ST3GAL3: variants seen among roughly 807,000 people sequenced by gnomAD.
ST3GAL3 encodes CMP-N-acetylneuraminate-beta-1,4-galactoside alpha-2,3-sialyltransferase.
In ST3GAL3, 21 loss-of-function variants were observed where a neutral mutation model predicts 50.1. The observed-to-expected ratio is 0.42, with a 90% CI of 0.30 to 0.60. The LOEUF (loss-of-function observed/expected upper bound fraction) is 0.60, where lower values mean the gene tolerates loss of function less well. Ranked by LOEUF, ST3GAL3 falls within the 20% of genes least tolerant of loss-of-function variation. ST3GAL3 has a pLI of 0.19. For missense variants in ST3GAL3, 353 were observed against 489.4 expected, an observed-to-expected ratio of 0.72 and a Z score of 2.63; for synonymous variants, 183 against 190.0, an observed-to-expected ratio of 0.96 and a Z score of 0.30.
intron 2 of ST3GAL3, among the ~76,000 whole-genome samples, chr1:43,741,212 C>T (rs779264128): frequency 6.6e-5 from 10 of 151,754 alleles, no homozygotes; most frequent in Non-Finnish European, 1.3e-4. Context: ...GTCTATGGTG[C>T]CAGCTACTCG....
intron 5 of ST3GAL3, among the ~76,000 whole-genome samples, chr1:43,886,817 G>A (rs184534995): frequency 2.6e-5 from 4 of 152,218 alleles, no homozygotes; most frequent in Non-Finnish European, 4.4e-5. Context: ...GCTAAAGCGG[G>A]TACATGGCCA....
In ST3GAL3 at chr1:43,790,628, G is replaced by A. The variant is rs1006426899; in HGVS notation, c.119-1474G>A. Among the ~76,000 whole-genome samples the A allele has an allele frequency of 1.5e-3, 178 of 119,356 alleles. 1 individual carries two copies. The highest frequency in any genetic ancestry group is 2.6e-3 in the Admixed American group (27 of 10,216). 78.3% of individuals were successfully genotyped at this position (119,356 alleles called of 152,430 possible). A position where few individuals can be genotyped will look rare whatever the true frequency, so the allele number is the denominator to read the frequency against. On this transcript the variant is annotated intron_variant, in intron 2 of 11. Transcript: ENST00000347631. ...TATACAATCTTCAACATCATATGGC[G>A]TCTCCTTTTTTTTTTTTTTTTTGAC...
intron 5 of ST3GAL3, among the ~76,000 whole-genome samples, chr1:43,845,995 A>G (rs534957778): frequency 5.9e-5 from 9 of 152,196 alleles, no homozygotes; most frequent in Admixed American, 2.6e-4. Flanking sequence ...CTGTGCTCCA[A>G]ATATACGTTA....
intron 2 of ST3GAL3, among the ~76,000 whole-genome samples, chr1:43,752,381 G>T (rs1686493593): frequency 6.6e-6 from 1 of 152,218 alleles, no homozygotes; most frequent in Non-Finnish European, 1.5e-5. Context: ...AAGGTTTCCT[G>T]TCTTCAAAGT....
chr1:43,899,753 TCC>T lies in ST3GAL3; in HGVS notation c.744+29_744+30del. 6.2e-7 allele frequency: 1 copy of T among 1,609,826 alleles called. No homozygotes were observed. The highest frequency in any genetic ancestry group is 2.2e-5 in the East Asian group (1 of 44,858). Reference sequence around the variant, plus strand: ...GTAAGCTCTCCTGGCACCAGCTTCTTCCCCTCTTGCCCTGGGCTTCCGCAACT... The same window carrying T: ...GTAAGCTCTCCTGGCACCAGCTTCTTCCTCTTGCCCTGGGCTTCCGCAACT... On this transcript the variant is annotated intron_variant, in intron 9 of 11. Transcript: ENST00000347631. The surrounding 1 kb of genome is among the most constrained non-coding windows in gnomAD (Gnocchi z 5.4).
At chr1:43,844,641 C>G (rs971388765) in intron 5 of ST3GAL3, among the ~76,000 whole-genome samples, 5 of 152,016 alleles carry the variant, frequency 3.3e-5, no homozygotes, top group Non-Finnish European at 7.4e-5. Flanking sequence ...GAAACCCCGT[C>G]TCTACCAAAA....
chr1:43,725,490 G>A (rs1433841236), intron 1 of ST3GAL3, among the ~76,000 whole-genome samples: 5 of 151,896 alleles, frequency 3.3e-5, no homozygotes, highest in African/African-American at 1.2e-4. Context: ...GAGCCGCTGC[G>A]CCTGGCCTGC....
At chr1:43,894,514 C>CT in intron 6 of ST3GAL3, 37 bp downstream of exon 6, 1 of 1,569,770 alleles carries the variant, frequency 6.4e-7, no homozygotes, top group East Asian at 2.2e-5. Context: ...AACATCTCAT[C>CT]CCCCCGACTG....
chr1:43,885,489 C>T (rs1449669249), intron 5 of ST3GAL3, among the ~76,000 whole-genome samples: 2 of 152,230 alleles, frequency 1.3e-5, no homozygotes, highest in East Asian at 1.9e-4. Context: ...TGGAGCCTGC[C>T]CCACCCTCCC....
chr1:43,874,277 A>T (rs893455354), intron 5 of ST3GAL3, among the ~76,000 whole-genome samples: 2 of 152,220 alleles, frequency 1.3e-5, no homozygotes, highest in Non-Finnish European at 1.5e-5. Flanking sequence ...TGACCATTGG[A>T]TTTAGCAGCA....
intron 2 of ST3GAL3, among the ~76,000 whole-genome samples, chr1:43,787,266 A>C (rs1305517103): frequency 6.6e-6 from 1 of 152,234 alleles, no homozygotes; most frequent in African/African-American, 2.4e-5. Context: ...GGATGACTGA[A>C]GTAAAAATGA....
chr1:43,738,229 G>C (rs1326759391), intron 2 of ST3GAL3: 1 of 152,186 alleles, frequency 6.6e-6, no homozygotes, highest in Non-Finnish European at 1.5e-5. Flanking sequence ...TATTAGGTTT[G>C]AAGGTGACAA....
chr1:43,817,564 CCTTCTT>C (rs145921571), intron 4 of ST3GAL3, among the ~76,000 whole-genome samples: 7 of 15,206 alleles, frequency 4.6e-4, no homozygotes, highest in East Asian at 2.4e-3. Flanking sequence ...TCTCCTTCTT[CCTTCTT>C]CTTCTCCTTC....
intron 2 of ST3GAL3, among the ~76,000 whole-genome samples, chr1:43,774,951 G>A (rs983577036): frequency 1.6e-4 from 24 of 152,066 alleles, no homozygotes; most frequent in South Asian, 4.1e-4. Context: ...AGCAGGGAGC[G>A]TGAGAATACC....
chr1:43,821,732 C>A (rs2062122892), intron 4 of ST3GAL3, among the ~76,000 whole-genome samples: 1 of 152,128 alleles, frequency 6.6e-6, no homozygotes, highest in Non-Finnish European at 1.5e-5. Flanking sequence ...GCAGCCACAA[C>A]CTGATTTAAG....
At chr1:43,837,746 G>C (rs72886901) in intron 4 of ST3GAL3, among the ~76,000 whole-genome samples, 10,133 of 152,256 alleles carry the variant, frequency 0.067, 369 homozygotes, top group East Asian at 0.14. Flanking sequence ...CAAGGCGAGA[G>C]GATCGCTTGA....
At chr1:43,822,089 T>A (rs1198150830) in intron 4 of ST3GAL3, among the ~76,000 whole-genome samples, 1 of 152,126 alleles carries the variant, frequency 6.6e-6, no homozygotes, top group Non-Finnish European at 1.5e-5. Context: ...TAGAATTCAT[T>A]GAGAAGGTGA....
At chr1:43,816,755 C>A (rs2061295574) in intron 4 of ST3GAL3, among the ~76,000 whole-genome samples, 1 of 152,154 alleles carries the variant, frequency 6.6e-6, no homozygotes, top group African/African-American at 2.4e-5. Flanking sequence ...CAGGCCAGTT[C>A]TTTGAACTAT....
At chr1:43,812,799 A>ATAG (rs2060713696) in intron 3 of ST3GAL3, among the ~76,000 whole-genome samples, 1 of 152,180 alleles carries the variant, frequency 6.6e-6, no homozygotes. Flanking sequence ...AAAACAATAG[A>ATAG]TAGACCAAGA....
Sources: gnomAD v4.1 joint callset for allele counts (sites outside exome capture counted in the v4.1 genomes callset) on GRCh38, gnomAD v4.1.1 for gene constraint, Gnocchi (gnomAD v3.1) non-coding constraint, MANE v1.5 for transcripts, NCBI Gene and HGNC (gene_info 2026-07-23, HGNC 2026-07-21) for gene names.